NATD1: variants seen among roughly 807,000 people sequenced by gnomAD.
NATD1 encodes the protein protein NATD1.
Under a neutral mutation model 12.0 loss-of-function variants are expected in NATD1, and 9 were observed. The observed-to-expected ratio is 0.75, with a 90% confidence interval of 0.45 to 1.30. NATD1 has a LOEUF of 1.30. Ranked by LOEUF, NATD1 falls within the 50% of genes most tolerant of loss-of-function variation. NATD1 has a pLI of 0.00. For synonymous variants in NATD1, 71 were observed against 65.9 expected, an observed-to-expected ratio of 1.08 and a Z score of -0.37; for missense variants, 148 against 148.5, an observed-to-expected ratio of 1.00 and a Z score of 0.02.
chr17:21,249,840 G>A (rs1443246187), intron 1 of NATD1, among the ~76,000 whole-genome samples: 2 of 152,172 alleles, frequency 1.3e-5, no homozygotes, highest in East Asian at 1.9e-4. Context: ...CAGGCTGTGC[G>A]CCTTGGTTTC....
chr17:21,243,716 C>CCGGCAGA (rs1411825145), intron 2 of NATD1, among the ~76,000 whole-genome samples: 1 of 152,144 alleles, frequency 6.6e-6, no homozygotes, highest in Non-Finnish European at 1.5e-5. Context: ...GGAGGGGAAG[C>CCGGCAGA]CGGCAGACGG....
chr17:21,243,285 A>C lies in NATD1; in HGVS notation c.*28T>G, dbSNP rs1567644728. On this transcript the variant is annotated 3_prime_UTR_variant, in exon 3 of 3. Coordinates refer to ENST00000611551, the MANE Select transcript of NATD1 (RefSeq NM_152914.3). ...CAAAGGCCACGTGGAAGAGTCCGGC[A>C]GGGAGCGCTCCCGCCTGCAGGCCAG... 1 of 1,590,150 alleles carries C rather than the reference A, an allele frequency of 6.3e-7. No homozygotes were observed. Among genetic ancestry groups the C allele is most frequent in the East Asian group, 2.2e-5 (1 of 44,756 alleles).
At chr17:21,246,082 C>T (rs1975322267) in intron 1 of NATD1, among the ~76,000 whole-genome samples, 1 of 152,190 alleles carries the variant, frequency 6.6e-6, no homozygotes, top group African/African-American at 2.4e-5. Flanking sequence ...CATTTAATTA[C>T]CCCAGGCTCA....
At position 21,253,269 on chromosome 17, in the gene NATD1, G is replaced by T; in HGVS notation, c.-5C>A. 1 of 988,056 alleles carries T rather than the reference G, an allele frequency of 1.0e-6. No individual in the cohort carries two copies. Among genetic ancestry groups the T allele is most frequent in the Non-Finnish European group, 1.2e-6 (1 of 832,276 alleles). 61.2% of individuals were successfully genotyped at this position (988,056 alleles called of 1,614,324 possible). A position where few individuals can be genotyped will look rare whatever the true frequency, so the allele number is the denominator to read the frequency against. On this transcript the variant is annotated 5_prime_UTR_variant, in exon 1 of 3. Coordinates refer to ENST00000611551, the MANE Select transcript of NATD1 (RefSeq NM_152914.3). ...GGCGGCAGCCGAGTGCGCCATCTGC[G>T]CGCGGGGCTGCGGCGCGGCGCCGGC... is the stretch of plus-strand genomic sequence containing the variant.
Position 21,253,188 on chromosome 17 carries a change from C to T in NATD1, c.77G>A (p.Arg26Gln). The change falls in exon 1 of 3, where the codon CGG (arginine) becomes CAG (glutamine). Residue 26 changes from arginine to glutamine, a missense_variant. Arg to Gln is a conservative substitution (Grantham distance 43). Coordinates refer to ENST00000611551, the MANE Select transcript of NATD1 (RefSeq NM_152914.3). ...GAGCCGGACAGTGAACTGGCGGCGCCGGCGGTCGTGCTCCACGCGGATGGG... is the reference window on the plus strand; with the variant it reads ...GAGCCGGACAGTGAACTGGCGGCGCTGGCGGTCGTGCTCCACGCGGATGGG... ...GCPIRVEHDR[R>Q]RRQFTVRLNG... The T allele has an allele frequency of 9.9e-7, 1 of 1,014,736 alleles. No homozygotes were observed. The highest frequency in any genetic ancestry group is 4.3e-5 in the South Asian group (1 of 23,076). 62.9% of individuals were successfully genotyped at this position (1,014,736 alleles called of 1,614,324 possible). A position where few individuals can be genotyped will look rare whatever the true frequency, so the allele number is the denominator to read the frequency against.
At chr17:21,246,243 G>A (rs528986986) in intron 1 of NATD1, among the ~76,000 whole-genome samples, 1 of 152,124 alleles carries the variant, frequency 6.6e-6, no homozygotes, top group African/African-American at 2.4e-5. Context: ...GCCAGGCACG[G>A]TGACCCACTC....
At chr17:21,252,182 G>C (rs140838282) in intron 1 of NATD1, among the ~76,000 whole-genome samples, 1 of 152,178 alleles carries the variant, frequency 6.6e-6, no homozygotes, top group East Asian at 1.9e-4. Context: ...GTGGGTGCCT[G>C]TAATCCCACC....
intron 1 of NATD1, among the ~76,000 whole-genome samples, chr17:21,249,284 C>T (rs570826003): frequency 4.6e-5 from 7 of 152,142 alleles, no homozygotes; most frequent in African/African-American, 9.7e-5. Context: ...AGCTGTGGCA[C>T]GGGACAAGGA....
rs1362464619 is a variant in NATD1, at chr17:21,253,375, A to G, written c.-111T>C. ...GCAGGCGGCAGGCGGTGGGGTAGTT[A>G]CGGCCTGGGAGACCGCAGGCGGCGG... On this transcript the variant is annotated 5_prime_UTR_variant, in exon 1 of 3. Coordinates refer to ENST00000611551, the MANE Select transcript of NATD1 (RefSeq NM_152914.3). The G allele has an allele frequency of 3.5e-5, 9 of 259,062 alleles. No individual in the cohort carries two copies. Among genetic ancestry groups the G allele is most frequent in the Non-Finnish European group, 5.1e-5 (9 of 177,100 alleles). The allele number at this position is 259,062 out of a possible 1,614,324, so 16.0% of individuals were successfully genotyped here.
chr17:21,248,500 G>A (rs548565805), intron 1 of NATD1, among the ~76,000 whole-genome samples: 2 of 152,158 alleles, frequency 1.3e-5, no homozygotes, highest in East Asian at 3.9e-4. Context: ...CAGGGCCTCC[G>A]GGGACCCTTC....
Position 21,242,098 on chromosome 17 carries a change from C to T in NATD1, c.*1215G>A, listed in dbSNP as rs1166822475. The T allele has an allele frequency of 1.3e-5, 2 of 152,652 alleles. No individual in the cohort carries two copies. The highest frequency in any genetic ancestry group is 4.8e-5 in the African/African-American group (2 of 41,454). 9.5% of individuals were successfully genotyped at this position (152,652 alleles called of 1,614,324 possible). On this transcript the variant is annotated 3_prime_UTR_variant, in exon 3 of 3. Coordinates refer to ENST00000611551, the MANE Select transcript of NATD1 (RefSeq NM_152914.3). ...CAAATGTCTCAGCCCTAAAGGGCCC[C>T]TGGCTCCAGGTCACCCTCCAGCTCT... is the stretch of plus-strand genomic sequence containing the variant.
At position 21,239,418 on chromosome 17, in the gene NATD1, A is replaced by AT. The variant is rs199955238; in HGVS notation, c.*3894_*3895insA. The AT allele has an allele frequency of 2.8e-5, 2 of 71,168 alleles. No individual in the cohort carries two copies. Among genetic ancestry groups the AT allele is most frequent in the East Asian group, 7.3e-4 (2 of 2,736 alleles). The allele number at this position is 71,168 out of a possible 1,614,324, so 4.4% of individuals were successfully genotyped here. On this transcript the variant is annotated 3_prime_UTR_variant, in exon 3 of 3. Transcript: ENST00000611551. ...GTGTGGCTTTGGCTTGTGACCCCCGACTCAGCCTCAGTATCATCTATCAAA... is the reference window on the plus strand; with the variant it reads ...GTGTGGCTTTGGCTTGTGACCCCCGATCTCAGCCTCAGTATCATCTATCAAA...
At chr17:21,249,417 C>T (rs1381220016) in intron 1 of NATD1, among the ~76,000 whole-genome samples, 1 of 152,130 alleles carries the variant, frequency 6.6e-6, no homozygotes, top group Non-Finnish European at 1.5e-5. Context: ...TGGAGAAGCT[C>T]AACCATACGT....
intron 1 of NATD1, among the ~76,000 whole-genome samples, chr17:21,247,761 A>G (rs1054751958): frequency 1.3e-5 from 2 of 152,198 alleles, no homozygotes; most frequent in Admixed American, 1.3e-4. Context: ...TAGCCCAGAT[A>G]AGGGCCTATG....
intron 1 of NATD1, among the ~76,000 whole-genome samples, chr17:21,247,217 G>A (rs1397441061): frequency 1.3e-5 from 2 of 152,144 alleles, no homozygotes; most frequent in Non-Finnish European, 2.9e-5. Context: ...CATATTCCAG[G>A]CACCCAGCTC....
chr17:21,247,536 C>A (rs1261329062), intron 1 of NATD1, among the ~76,000 whole-genome samples: 2 of 152,220 alleles, frequency 1.3e-5, no homozygotes, highest in Admixed American at 1.3e-4. Flanking sequence ...GAAACCGAGG[C>A]CCAGGAGGGA....
At chr17:21,247,014 T>G (rs911836610) in intron 1 of NATD1, among the ~76,000 whole-genome samples, 1 of 152,186 alleles carries the variant, frequency 6.6e-6, no homozygotes, top group African/African-American at 2.4e-5. Flanking sequence ...CCTCAGCTTT[T>G]GCTCCAGCAG....
intron 1 of NATD1, among the ~76,000 whole-genome samples, chr17:21,252,594 C>G (rs1004950968): frequency 3.3e-5 from 5 of 151,998 alleles, no homozygotes; most frequent in African/African-American, 1.2e-4. Context: ...GCCCCTCACT[C>G]CCCCCAGGGG....
At chr17:21,249,265 A>T (rs1381002022) in intron 1 of NATD1, among the ~76,000 whole-genome samples, 2 of 152,224 alleles carry the variant, frequency 1.3e-5, no homozygotes, top group African/African-American at 4.8e-5. Context: ...GGCAGAGCCC[A>T]GGCGCCAGAG....
Sources: gnomAD v4.1 joint callset for allele counts (sites outside exome capture counted in the v4.1 genomes callset) on GRCh38, gnomAD v4.1.1 for gene constraint, MANE v1.5 for transcripts, NCBI Gene and HGNC (gene_info 2026-07-23, HGNC 2026-07-21) for gene names.